CSNK1G2: variants seen among roughly 807,000 people sequenced by gnomAD.
CSNK1G2 encodes the protein casein kinase 1 gamma 2, also known as casein kinase I isoform gamma-2.
In CSNK1G2, 11 loss-of-function variants were observed where a neutral mutation model predicts 48.0. The ratio of observed to expected loss-of-function variants is 0.23; its 90% CI spans 0.14 to 0.38. The LOEUF (loss-of-function observed/expected upper bound fraction) is 0.38. CSNK1G2 is among the 10% of genes least tolerant of loss of function. The pLI is 1.00. For synonymous variants in CSNK1G2, 337 were observed against 254.1 expected (o/e 1.33, Z -3.10); for missense variants, 446 against 595.5 (o/e 0.75, Z 2.61).
At chr19:1,960,467 A>G (rs950191145) in intron 1 of CSNK1G2, among the ~76,000 whole-genome samples, 2 of 152,042 alleles carry the variant, frequency 1.3e-5, no homozygotes, top group South Asian at 2.1e-4. Flanking sequence ...TCCCCTCGGG[A>G]TGTTTGCCGT....
At chr19:1,956,271 C>T (rs530349856) in intron 1 of CSNK1G2, among the ~76,000 whole-genome samples, 3 of 152,194 alleles carry the variant, frequency 2.0e-5, no homozygotes, top group Non-Finnish European at 4.4e-5. Flanking sequence ...GTCACAGGTT[C>T]TGGGGGTTGG....
intron 1 of CSNK1G2, among the ~76,000 whole-genome samples, chr19:1,944,682 ACTGGCCTGG>A (rs1410283755): frequency 1.5e-5 from 2 of 132,484 alleles, no homozygotes; most frequent in Non-Finnish European, 3.2e-5. Flanking sequence ...CGGGAGCTTG[ACTGGCCTGG>A]CTGGGTGGGG....
chr19:1,977,444 G>C (rs1374868375), intron 2 of CSNK1G2, among the ~76,000 whole-genome samples: 1 of 152,174 alleles, frequency 6.6e-6, no homozygotes, highest in African/African-American at 2.4e-5. Flanking sequence ...CTTCCTCAGG[G>C]GGTGTAACAT....
At chr19:1,951,871 G>A (rs1487463399) in intron 1 of CSNK1G2, among the ~76,000 whole-genome samples, 2 of 151,942 alleles carry the variant, frequency 1.3e-5, no homozygotes, top group South Asian at 2.1e-4. Context: ...TAGTAGAGAC[G>A]GGGTTTCACC....
chr19:1,946,265 C>CATTTATTT (rs534248791), intron 1 of CSNK1G2, among the ~76,000 whole-genome samples: 12 of 114,406 alleles, frequency 1.0e-4, no homozygotes, highest in East Asian at 2.9e-4. Context: ...ACTATTTATT[C>CATTTATTT]GTTTATTTAT....
chr19:1,977,065 C>A (rs2015783090), intron 2 of CSNK1G2, among the ~76,000 whole-genome samples: 1 of 152,202 alleles, frequency 6.6e-6, no homozygotes, highest in Non-Finnish European at 1.5e-5. Flanking sequence ...GCAGCGTATG[C>A]TACTCGGGCA....
chr19:1,975,718 T>C, intron 2 of CSNK1G2: 1 of 982,368 alleles, frequency 1.0e-6, no homozygotes, highest in Non-Finnish European at 1.2e-6. Flanking sequence ...ACTTCAAACC[T>C]GGGGCAGTGT....
intron 2 of CSNK1G2, among the ~76,000 whole-genome samples, chr19:1,973,216 C>G (rs892055981): frequency 2.0e-5 from 3 of 151,722 alleles, no homozygotes; most frequent in Non-Finnish European, 4.4e-5. Flanking sequence ...CGTGAGCCAC[C>G]GCGCCTGGCC....
intron 2 of CSNK1G2, among the ~76,000 whole-genome samples, chr19:1,972,140 C>T (rs1568200243): frequency 1.3e-5 from 2 of 152,216 alleles, no homozygotes; most frequent in Non-Finnish European, 1.5e-5. Context: ...CTGTGTGCTT[C>T]GCGGGCAGCC....
At chr19:1,964,225 C>T (rs989052769) in intron 1 of CSNK1G2, among the ~76,000 whole-genome samples, 7 of 150,546 alleles carry the variant, frequency 4.6e-5, no homozygotes, top group African/African-American at 1.7e-4. Context: ...CCCAGGAGGT[C>T]GAGGCTGCAG....
intron 2 of CSNK1G2, chr19:1,976,195 A>G: frequency 4.2e-6 from 4 of 957,768 alleles, no homozygotes; most frequent in Non-Finnish European, 4.4e-6. Context: ...ATTTCCTAAT[A>G]ACGTGTTACA....
chr19:1,947,683 C>T (rs1035885089), intron 1 of CSNK1G2, among the ~76,000 whole-genome samples: 16 of 152,326 alleles, frequency 1.1e-4, no homozygotes, highest in Admixed American at 9.8e-4. Flanking sequence ...GCAGGCCAGC[C>T]AGAGCCCTGG....
chr19:1,952,986 G>C (rs2014832155), intron 1 of CSNK1G2: 1 of 435,614 alleles, frequency 2.3e-6, no homozygotes, highest in African/African-American at 2.2e-5. Context: ...AGGCACTCCA[G>C]TCTGGGTGGC....
intron 10 of CSNK1G2, 24 bp from the exon 11 acceptor site, chr19:1,979,887 G>T: frequency 1.2e-6 from 2 of 1,606,208 alleles, no homozygotes; most frequent in Non-Finnish European, 1.7e-6. Flanking sequence ...GGCGGCCAGC[G>T]TGACCCCCTA....
At chr19:1,975,047 C>T (rs2015705926) in intron 2 of CSNK1G2, 5 of 985,004 alleles carry the variant, frequency 5.1e-6, no homozygotes, top group South Asian at 4.7e-5. Context: ...CAGCACACAC[C>T]CAGGTCTCTG....
At position 1,957,042 on chromosome 19, in the gene CSNK1G2, G is replaced by C. The variant is rs544637634; in HGVS notation, c.-265-12466G>C. ...AAGGCTGGTGGTGGCGCCCCCCTTC[G>C]ACGGTCGTGCCCTGATGCTGCGTGG... On this transcript the variant is annotated intron_variant, in intron 1 of 11. Coordinates refer to ENST00000255641, the MANE Select transcript of CSNK1G2 (RefSeq NM_001319.7). The surrounding 1 kb of genome is among the most constrained non-coding windows in gnomAD (Gnocchi z 5.4). Among the ~76,000 whole-genome samples the C allele has an allele frequency of 6.6e-6, 1 of 152,192 alleles. No individual in the cohort carries two copies. Among genetic ancestry groups the C allele is most frequent in the African/African-American group, 2.4e-5 (1 of 41,452 alleles).
chr19:1,969,635 TG>T lies in CSNK1G2; in HGVS notation c.-135del. 1.4e-6 allele frequency: 1 copy of T among 732,056 alleles called. No homozygotes were observed. The highest frequency in any genetic ancestry group is 1.9e-6 in the Non-Finnish European group (1 of 520,332). 45.3% of individuals were successfully genotyped at this position (732,056 alleles called of 1,614,324 possible). A position where few individuals can be genotyped will look rare whatever the true frequency, so the allele number is the denominator to read the frequency against. ...GCCCGAACGCCTGCGTCTCAGTAGC[TG>T]GGAGCCACGGGCCCACGCCCGCCCA... On this transcript the variant is annotated 5_prime_UTR_variant, in exon 2 of 12. Transcript: ENST00000255641.
chr19:1,957,450 G>T lies in CSNK1G2; in HGVS notation c.-265-12058G>T, dbSNP rs974734640. On this transcript the variant is annotated intron_variant, in intron 1 of 11. Coordinates refer to ENST00000255641, the MANE Select transcript of CSNK1G2 (RefSeq NM_001319.7). This position sits in a 1 kb window ranked among gnomAD's most constrained non-coding sequence, Gnocchi z 5.4. ...GCCTGGGAGAGAAGGGGGCTGCCCC[G>T]AGCGGCTTGGGTGGCCGGGCCTGTG... Among the ~76,000 whole-genome samples, 1 of 152,236 alleles carries T rather than the reference G, an allele frequency of 6.6e-6. No individual in the cohort carries two copies. Among genetic ancestry groups the T allele is most frequent in the African/African-American group, 2.4e-5 (1 of 41,460 alleles).
intron 1 of CSNK1G2, among the ~76,000 whole-genome samples, chr19:1,964,509 C>T (rs1039636821): frequency 1.3e-5 from 2 of 152,056 alleles, no homozygotes; most frequent in African/African-American, 4.8e-5. Flanking sequence ...CCCTCTTCAC[C>T]CTCTTGTTAG....
Sources: gnomAD v4.1 joint callset for allele counts (sites outside exome capture counted in the v4.1 genomes callset) on GRCh38, gnomAD v4.1.1 for gene constraint, Gnocchi (gnomAD v3.1) non-coding constraint, MANE v1.5 for transcripts, NCBI Gene and HGNC (gene_info 2026-07-23, HGNC 2026-07-21) for gene names.